Variants in BMP3 observed in about 807,000 individuals in gnomAD.
The protein encoded by BMP3 is bone morphogenetic protein 3 (osteogenic).
Under a neutral mutation model 38.1 loss-of-function variants are expected in BMP3, and 23 were observed. The observed-to-expected ratio is 0.60, with a 90% CI of 0.43 to 0.86. BMP3 has a LOEUF of 0.86. Among genes scored for constraint, BMP3 ranks in the 40% least tolerant of loss-of-function variants. The pLI, the probability that BMP3 is intolerant of heterozygous loss-of-function variation, is 0.00. For missense variants in BMP3, 628 were observed against 579.6 expected (o/e 1.08, Z -0.86); for synonymous variants, 258 against 225.7 (o/e 1.14, Z -1.28).
At chr4:81,039,741 G>A (rs1398652933) in intron 1 of BMP3, among the ~76,000 whole-genome samples, 1 of 152,116 alleles carries the variant, frequency 6.6e-6, no homozygotes, top group Non-Finnish European at 1.5e-5. Context: ...TTTCTCTAAT[G>A]AGTAGGTTGA....
chr4:81,033,221 T>C (rs917454587), intron 1 of BMP3, among the ~76,000 whole-genome samples: 1 of 152,252 alleles, frequency 6.6e-6, no homozygotes, highest in African/African-American at 2.4e-5. Context: ...ACAAGTTTCA[T>C]TTATAGAATG....
intron 1 of BMP3, among the ~76,000 whole-genome samples, chr4:81,032,193 G>GGAAA (rs1739791755): frequency 2.4e-4 from 1 of 4,192 alleles, no homozygotes. Context: ...TTCCTTAGTG[G>GGAAA]CAAAAAAAAA....
At position 81,045,950 on chromosome 4, in the gene BMP3, A is replaced by G. The variant is rs922553725; in HGVS notation, c.529A>G (p.Ser177Gly). The change falls in exon 2 of 3, where the codon AGT becomes GGT. Residue 177 changes from serine to glycine, a missense_variant. Ser to Gly is a moderately conservative substitution (Grantham distance 56). Coordinates refer to ENST00000282701, the MANE Select transcript of BMP3 (RefSeq NM_001201.5). ...GACCCTCAAATTCAGCAGAAACCAA[A>G]GTCAACTCCTTGGCCATCTGTCAGT... is the stretch of plus-strand genomic sequence containing the variant. Reference protein sequence around the residue: ...AWTLKFSRNQSQLLGHLSVDM... With the variant: ...AWTLKFSRNQGQLLGHLSVDM... The G allele has an allele frequency of 6.2e-7, 1 of 1,614,078 alleles. No individual in the cohort carries two copies. Among genetic ancestry groups the G allele is most frequent in the Non-Finnish European group, 8.5e-7 (1 of 1,179,998 alleles).
chr4:81,042,077 AAAGTGTGAAAAGCAAC>A (rs1740093805), intron 1 of BMP3, among the ~76,000 whole-genome samples: 1 of 152,234 alleles, frequency 6.6e-6, no homozygotes, highest in Non-Finnish European at 1.5e-5. Context: ...GCCACATTTC[AAAGTGTGAAAAGCAAC>A]AAGTGAGATT....
intron 2 of BMP3, among the ~76,000 whole-genome samples, chr4:81,048,019 T>C (rs1380488167): frequency 6.6e-6 from 1 of 151,582 alleles, no homozygotes; most frequent in African/African-American, 2.4e-5. Flanking sequence ...GGCCACAAAC[T>C]TGATTGAAAT....
intron 1 of BMP3, among the ~76,000 whole-genome samples, chr4:81,036,195 G>C (rs1004055410): frequency 6.6e-6 from 1 of 151,768 alleles, no homozygotes; most frequent in East Asian, 1.9e-4. Flanking sequence ...AAAAAGAAAA[G>C]CTAGTTTATT....
chr4:81,042,645 A>G (rs1213631416), intron 1 of BMP3, among the ~76,000 whole-genome samples: 5 of 152,244 alleles, frequency 3.3e-5, no homozygotes, highest in Non-Finnish European at 7.3e-5. Context: ...AGAAGGAAAC[A>G]TGTTTGAAAG....
At position 81,046,289 on chromosome 4, in the gene BMP3, T is replaced by C. The variant is rs749000111; in HGVS notation, c.868T>C (p.Ser290Pro). The change falls in exon 2 of 3, where the codon TCT (serine) becomes CCT (proline). Residue 290 changes from serine to proline, a missense_variant. Coordinates refer to ENST00000282701, the MANE Select transcript of BMP3 (RefSeq NM_001201.5). ...TTCCATTGAGCGGAGGAAGAAGCGC[T>C]CTACTGGGGTCTTGCTGCCTCTGCA... ...ALSIERRKKR[S>P]TGVLLPLQNN... The C allele has an allele frequency of 1.2e-6, 2 of 1,613,942 alleles. No homozygotes were observed. The highest frequency in any genetic ancestry group is 2.2e-5 in the East Asian group (1 of 44,874).
intron 2 of BMP3, among the ~76,000 whole-genome samples, chr4:81,048,163 C>A (rs1469902901): frequency 1.3e-5 from 2 of 152,064 alleles, no homozygotes; most frequent in African/African-American, 4.8e-5. Flanking sequence ...CTTATCTTGT[C>A]TAAATATTCA....
At chr4:81,043,953 A>G (rs932899414) in intron 1 of BMP3, among the ~76,000 whole-genome samples, 2 of 152,172 alleles carry the variant, frequency 1.3e-5, no homozygotes, top group Non-Finnish European at 2.9e-5. Context: ...TAATACCAGA[A>G]CTAATAACAA....
Position 81,053,337 on chromosome 4 carries a change from T to G in BMP3, c.1228-8T>G. The G allele has an allele frequency of 6.5e-7, 1 of 1,539,116 alleles. No individual in the cohort carries two copies. The highest frequency in any genetic ancestry group is 8.7e-7 in the Non-Finnish European group (1 of 1,147,126). ...ACATATGTGTTCTTCTTTCATTTCT[T>G]TCTCTAGTCTTTGAAGCCATCAAAT... On this transcript the variant is annotated splice_polypyrimidine_tract_variant and splice_region_variant and intron_variant, in intron 2 of 2. Coordinates refer to ENST00000282701, the MANE Select transcript of BMP3 (RefSeq NM_001201.5).
rs60606505 is a variant in BMP3 at position 81,053,601 on chromosome 4, GTTTTTTT to G, written c.*79_*85del. 38 of 358,000 alleles carry G rather than the reference GTTTTTTT, an allele frequency of 1.1e-4. No homozygotes were observed. Among genetic ancestry groups the G allele is most frequent in the East Asian group, 1.7e-4 (3 of 17,366 alleles). 22.2% of individuals were successfully genotyped at this position (358,000 alleles called of 1,614,324 possible). A position where few individuals can be genotyped will look rare whatever the true frequency, so the allele number is the denominator to read the frequency against. ...AGTTTATTTTTATGGACTTCTTCCTGTTTTTTTTTTTTTTTTTTTTGCACTGCCAATG... is the reference window on the plus strand; with the variant it reads ...AGTTTATTTTTATGGACTTCTTCCTGTTTTTTTTTTTTTGCACTGCCAATG... On this transcript the variant is annotated 3_prime_UTR_variant, in exon 3 of 3. Coordinates refer to ENST00000282701, the MANE Select transcript of BMP3 (RefSeq NM_001201.5).
At chr4:81,044,679 A>T (rs56252191) in intron 1 of BMP3, among the ~76,000 whole-genome samples, 1 of 152,224 alleles carries the variant, frequency 6.6e-6, no homozygotes, top group East Asian at 1.9e-4. Context: ...TTCTGTCTCT[A>T]TGGATTTTAC....
chr4:81,033,519 G>A (rs1260925378), intron 1 of BMP3, among the ~76,000 whole-genome samples: 1 of 152,152 alleles, frequency 6.6e-6, no homozygotes, highest in Non-Finnish European at 1.5e-5. Context: ...GATAAGAAAA[G>A]TAATCCCTTT....
chr4:81,042,722 A>C (rs1282963267), intron 1 of BMP3, among the ~76,000 whole-genome samples: 2 of 152,218 alleles, frequency 1.3e-5, no homozygotes, highest in Non-Finnish European at 2.9e-5. Context: ...AGTTACTGCC[A>C]CTCATATCCC....
At chr4:81,035,944 C>T (rs1417041547) in intron 1 of BMP3, among the ~76,000 whole-genome samples, 1 of 151,952 alleles carries the variant, frequency 6.6e-6, no homozygotes, top group African/African-American at 2.4e-5. Flanking sequence ...GGAACACTGT[C>T]TCATTTTTCA....
chr4:81,031,606 T>G lies in BMP3; in HGVS notation c.316+6T>G, dbSNP rs765121959. ...CTTTCGGGCGGCAGCAGCAGGTGAG[T>G]GCGCGAGGTGAGACTCCCTTCCCGC... On this transcript the variant is annotated splice_donor_region_variant and intron_variant, in intron 1 of 2. Coordinates refer to ENST00000282701, the MANE Select transcript of BMP3 (RefSeq NM_001201.5). 6 of 1,576,544 alleles carry G rather than the reference T, an allele frequency of 3.8e-6. No homozygotes were observed. The highest frequency in any genetic ancestry group is 5.2e-6 in the Non-Finnish European group (6 of 1,163,348).
intron 1 of BMP3, among the ~76,000 whole-genome samples, chr4:81,035,510 G>A (rs1291843102): frequency 6.6e-6 from 1 of 151,982 alleles, no homozygotes; most frequent in Non-Finnish European, 1.5e-5. Flanking sequence ...AAATTAAATA[G>A]GGACATGAAT....
In BMP3 at chr4:81,057,552, G is replaced by T. The variant is rs1173148520; in HGVS notation, c.*4016G>T. 6.6e-6 allele frequency: 1 copy of T among 151,858 alleles called. No individual in the cohort carries two copies. The highest frequency in any genetic ancestry group is 2.4e-5 in the African/African-American group (1 of 41,368). The allele number at this position is 151,858 out of a possible 1,614,324, so 9.4% of individuals were successfully genotyped here. ...ATTGACCATTCATTTTTACTTATTG[G>T]GAAATACTATATTTCCAGACATTTT... On this transcript the variant is annotated 3_prime_UTR_variant, in exon 3 of 3. Transcript: ENST00000282701.
Sources: gnomAD v4.1 joint callset for allele counts (sites outside exome capture counted in the v4.1 genomes callset) on GRCh38, gnomAD v4.1.1 for gene constraint, MANE v1.5 for transcripts, NCBI Gene and HGNC (gene_info 2026-07-23, HGNC 2026-07-21) for gene names.